The following KCNN2 variants were observed in gnomAD, a reference collection of about 807,000 sequenced individuals.
KCNN2 encodes small conductance calcium-activated potassium channel protein 2.
A neutral mutation model predicts 55.5 loss-of-function variants in KCNN2; 24 were observed. The ratio of observed to expected loss-of-function variants is 0.43; its 90% CI spans 0.31 to 0.61. The LOEUF (loss-of-function observed/expected upper bound fraction) is 0.61. KCNN2 is among the 20% of genes least tolerant of loss of function. The pLI, the probability that KCNN2 is intolerant of heterozygous loss-of-function variation, is 0.08. For missense variants in KCNN2, 754 were observed against 853.6 expected (o/e 0.88, Z 1.45); for synonymous variants, 431 against 336.1 (o/e 1.28, Z -3.09).
At chr5:114,293,820 C>T (rs1045714702) in intron 2 of KCNN2, among the ~76,000 whole-genome samples, 2 of 152,244 alleles carry the variant, frequency 1.3e-5, no homozygotes, top group African/African-American at 4.8e-5. Context: ...TCCATCTGGT[C>T]CTGGACTCTT....
chr5:114,473,425 C>T (rs950663342), intron 5 of KCNN2, among the ~76,000 whole-genome samples: 4 of 152,072 alleles, frequency 2.6e-5, no homozygotes, highest in African/African-American at 9.7e-5. Context: ...GTTTAGATTT[C>T]AGTATAGTAT....
chr5:114,371,948 AGTGACAC>A (rs1014660154), intron 2 of KCNN2, among the ~76,000 whole-genome samples: 3 of 152,200 alleles, frequency 2.0e-5, no homozygotes, highest in Non-Finnish European at 4.4e-5. Flanking sequence ...AAATTTGCCC[AGTGACAC>A]GTAAAATTGT....
intron 1 of KCNN2, among the ~76,000 whole-genome samples, chr5:114,143,300 T>TA (rs765718858): frequency 3.3e-4 from 51 of 152,300 alleles, no homozygotes; most frequent in Non-Finnish European, 6.3e-4. Context: ...CAGTAATTTC[T>TA]AACAGAGCCT....
At chr5:114,443,676 T>G (rs1241214864) in intron 3 of KCNN2, among the ~76,000 whole-genome samples, 3 of 152,278 alleles carry the variant, frequency 2.0e-5, no homozygotes, top group Admixed American at 6.5e-5. Context: ...TGAAGGGTAC[T>G]GATTTTAGAA....
chr5:114,347,033 G>A (rs1026695326), intron 2 of KCNN2, among the ~76,000 whole-genome samples: 2 of 152,174 alleles, frequency 1.3e-5, no homozygotes, highest in African/African-American at 2.4e-5. Context: ...ACCTTTATAT[G>A]GTTACAATAA....
intron 2 of KCNN2, among the ~76,000 whole-genome samples, chr5:114,365,179 C>T (rs935417796): frequency 8.5e-5 from 13 of 152,092 alleles, no homozygotes; most frequent in African/African-American, 3.1e-4. Flanking sequence ...AATTACTTCA[C>T]GTTGCCTTTA....
chr5:114,086,769 A>C (rs1751026151), intron 1 of KCNN2, among the ~76,000 whole-genome samples: 2 of 152,106 alleles, frequency 1.3e-5, no homozygotes, highest in African/African-American at 4.8e-5. Flanking sequence ...TTTTGATAGA[A>C]TGATTTGTTT....
intron 2 of KCNN2, among the ~76,000 whole-genome samples, chr5:114,272,304 T>TA (rs1561548898): frequency 3.9e-4 from 23 of 58,916 alleles, no homozygotes; most frequent in African/African-American, 8.6e-4. Context: ...TATGTACATA[T>TA]CACACACACA....
intron 2 of KCNN2, among the ~76,000 whole-genome samples, chr5:114,376,549 G>A (rs1253699845): frequency 2.6e-5 from 4 of 152,206 alleles, no homozygotes; most frequent in African/African-American, 7.2e-5. Context: ...GGTGAGAAAC[G>A]ATAGGCTCAG....
At chr5:114,166,510 G>T (rs1247002056) in intron 1 of KCNN2, among the ~76,000 whole-genome samples, 1 of 152,106 alleles carries the variant, frequency 6.6e-6, no homozygotes, top group African/African-American at 2.4e-5. Context: ...GTAAAACAAT[G>T]TGAGTTTGCT....
chr5:114,284,397 A>G (rs1192096341), intron 2 of KCNN2, among the ~76,000 whole-genome samples: 2 of 152,178 alleles, frequency 1.3e-5, no homozygotes, highest in Non-Finnish European at 2.9e-5. Flanking sequence ...TTCTTTGGTT[A>G]TGCAACTTGC....
chr5:114,405,829 G>A (rs896919101), intron 3 of KCNN2, among the ~76,000 whole-genome samples: 32 of 151,758 alleles, frequency 2.1e-4, no homozygotes, highest in Admixed American at 1.1e-3. Flanking sequence ...TCCTGCCTCA[G>A]CCTCCCGAGT....
At chr5:114,401,298 T>C (rs1273899805) in intron 2 of KCNN2, among the ~76,000 whole-genome samples, 2 of 152,174 alleles carry the variant, frequency 1.3e-5, no homozygotes, top group East Asian at 1.9e-4. Flanking sequence ...AAGAGGAAAG[T>C]TATCTGGACT....
intron 2 of KCNN2, among the ~76,000 whole-genome samples, chr5:114,242,980 G>A (rs1050214643): frequency 1.4e-5 from 2 of 145,306 alleles, no homozygotes; most frequent in African/African-American, 5.1e-5. Flanking sequence ...GTCAAATACT[G>A]ATTAGACAGG....
intron 2 of KCNN2, among the ~76,000 whole-genome samples, chr5:114,248,219 C>T (rs1001976339): frequency 1.3e-4 from 20 of 152,118 alleles, no homozygotes; most frequent in African/African-American, 4.8e-4. Flanking sequence ...GATTCAAATA[C>T]GCATTATTTC....
chr5:114,415,552 A>C (rs1759278963), intron 3 of KCNN2, among the ~76,000 whole-genome samples: 1 of 152,184 alleles, frequency 6.6e-6, no homozygotes, highest in African/African-American at 2.4e-5. Context: ...ATATGGTCTT[A>C]ATATACGTTT....
At chr5:114,390,657 G>A (rs895286274) in intron 2 of KCNN2, among the ~76,000 whole-genome samples, 4 of 152,032 alleles carry the variant, frequency 2.6e-5, no homozygotes, top group East Asian at 1.9e-4. Flanking sequence ...GTGGCATGTC[G>A]AAATCAACCC....
At chr5:114,332,034 G>T (rs1292629692) in intron 2 of KCNN2, among the ~76,000 whole-genome samples, 1 of 152,164 alleles carries the variant, frequency 6.6e-6, no homozygotes, top group Non-Finnish European at 1.5e-5. Flanking sequence ...CCATGAGGGA[G>T]ACTTAGATGT....
chr5:114,065,799 A>G (rs1432860508), intron 1 of KCNN2, among the ~76,000 whole-genome samples: 1 of 149,762 alleles, frequency 6.7e-6, no homozygotes, highest in African/African-American at 2.5e-5. Flanking sequence ...AAGAAGCAAG[A>G]TACCAGTGAG....
Sources: allele counts gnomAD v4.1 joint callset (sites outside exome capture counted in the v4.1 genomes callset), GRCh38; gene constraint gnomAD v4.1.1; transcripts MANE v1.5; gene names NCBI Gene and HGNC (gene_info 2026-07-23, HGNC 2026-07-21).